The following LUZP2 variants were observed in gnomAD, a reference collection of about 807,000 sequenced individuals.
The protein encoded by LUZP2 is leucine zipper protein 2.
LUZP2 carries 52 observed loss-of-function variants against 51.6 expected under a neutral mutation model. The ratio of observed to expected loss-of-function variants is 1.01; its 90% CI spans 0.81 to 1.27. LUZP2 has a LOEUF of 1.27. Among genes scored for constraint, LUZP2 ranks in the 50% most tolerant of loss-of-function variants. The pLI is 0.00. For synonymous variants in LUZP2, 154 were observed against 137.3 expected (o/e 1.12, Z -0.85); for missense variants, 436 against 395.4 (o/e 1.10, Z -0.87).
rs531702693 is a variant in LUZP2, at chr11:24,625,767, T to C, written c.63-103402T>C. Among the ~76,000 whole-genome samples the C allele has an allele frequency of 4.6e-5, 7 of 151,296 alleles. No individual in the cohort carries two copies. The South Asian group carries it at 1.3e-3, about 27-fold the overall frequency. On this transcript the variant is annotated intron_variant, in intron 1 of 11. Coordinates refer to ENST00000336930, the MANE Select transcript of LUZP2 (RefSeq NM_001009909.4). Reference sequence around the variant, plus strand: ...CCAGAATCACAGCCTTCAATTGAAGTAGGGGAATAACTAGACCCACAAAAG... The same window carrying C: ...CCAGAATCACAGCCTTCAATTGAAGCAGGGGAATAACTAGACCCACAAAAG...
chr11:25,073,751 CTG>C (rs1859225501), intron 10 of LUZP2, among the ~76,000 whole-genome samples: 1 of 151,924 alleles, frequency 6.6e-6, no homozygotes, highest in South Asian at 2.1e-4. Context: ...ACTGTTGATT[CTG>C]TGACATAAAA....
intron 1 of LUZP2, among the ~76,000 whole-genome samples, chr11:24,599,968 G>A (rs965296739): frequency 6.6e-6 from 1 of 151,958 alleles, no homozygotes; most frequent in African/African-American, 2.4e-5. Flanking sequence ...TTGTTTTCAA[G>A]TAAACTCATA....
chr11:25,023,567 A>G (rs1044809899), intron 9 of LUZP2, among the ~76,000 whole-genome samples: 8 of 96,666 alleles, frequency 8.3e-5, no homozygotes, highest in African/African-American at 2.9e-4. Flanking sequence ...CGGTATATCA[A>G]TTTTCAAAAA....
intron 5 of LUZP2, among the ~76,000 whole-genome samples, chr11:24,888,603 A>T (rs1237395013): frequency 6.6e-6 from 1 of 152,146 alleles, no homozygotes; most frequent in South Asian, 2.1e-4. Context: ...TCTGACACAT[A>T]CGCATGCTGA....
intron 1 of LUZP2, among the ~76,000 whole-genome samples, chr11:24,549,351 A>G (rs1472845337): frequency 2.6e-5 from 4 of 152,110 alleles, no homozygotes. Context: ...ATCAGCACAC[A>G]CGGAGCTGTC....
chr11:24,599,779 C>T (rs1853559160), intron 1 of LUZP2, among the ~76,000 whole-genome samples: 1 of 152,008 alleles, frequency 6.6e-6, no homozygotes, highest in Admixed American at 6.6e-5. Flanking sequence ...TTAATATATT[C>T]TTACTATTTT....
At chr11:24,527,689 C>T (rs1160797312) in intron 1 of LUZP2, among the ~76,000 whole-genome samples, 2 of 151,068 alleles carry the variant, frequency 1.3e-5, no homozygotes, top group Non-Finnish European at 3.0e-5. Flanking sequence ...ACACAAACCC[C>T]ACTTAATCCA....
intron 1 of LUZP2, among the ~76,000 whole-genome samples, chr11:24,671,327 T>C (rs1402463612): frequency 6.6e-6 from 1 of 151,960 alleles, no homozygotes; most frequent in East Asian, 1.9e-4. Flanking sequence ...GAACTGAAAA[T>C]ATTCCCCTCC....
chr11:24,816,234 T>C (rs564382949), intron 5 of LUZP2, among the ~76,000 whole-genome samples: 49 of 152,138 alleles, frequency 3.2e-4, no homozygotes, highest in Admixed American at 3.1e-3. Flanking sequence ...TCTGTGAGGC[T>C]TTTTTTCCTC....
chr11:24,815,877 C>T (rs189849745), intron 5 of LUZP2, among the ~76,000 whole-genome samples: 8 of 152,098 alleles, frequency 5.3e-5, no homozygotes, highest in Non-Finnish European at 1.2e-4. Context: ...TTCAGATGTA[C>T]TTAAACTGTT....
chr11:24,713,654 C>G (rs1857923279), intron 1 of LUZP2, among the ~76,000 whole-genome samples: 1 of 148,092 alleles, frequency 6.8e-6, no homozygotes, highest in African/African-American at 2.5e-5. Context: ...CACCACGACA[C>G]TCTATCCTGG....
At chr11:24,677,426 G>C (rs1412073789) in intron 1 of LUZP2, among the ~76,000 whole-genome samples, 1 of 152,080 alleles carries the variant, frequency 6.6e-6, no homozygotes, top group African/African-American at 2.4e-5. Flanking sequence ...GTGTAGGTAT[G>C]GTAGATCTTT....
intron 9 of LUZP2, among the ~76,000 whole-genome samples, chr11:25,032,309 C>T (rs1023262474): frequency 6.6e-6 from 1 of 152,122 alleles, no homozygotes; most frequent in Non-Finnish European, 1.5e-5. Flanking sequence ...TAAGTTGTTG[C>T]AGCAGCAGTA....
intron 1 of LUZP2, among the ~76,000 whole-genome samples, chr11:24,551,864 G>A (rs1858159): frequency 1 from 151,433 of 152,146 alleles, 75,362 homozygotes; most frequent in East Asian, 1. Context: ...AAATACATCT[G>A]TAATTCTTAA....
intron 9 of LUZP2, among the ~76,000 whole-genome samples, chr11:25,023,966 A>C (rs1857413066): frequency 6.6e-6 from 1 of 152,054 alleles, no homozygotes; most frequent in African/African-American, 2.4e-5. Context: ...CTTAATCCTG[A>C]GTTCTAGTTT....
chr11:24,555,898 A>C (rs1851855968), intron 1 of LUZP2, among the ~76,000 whole-genome samples: 1 of 152,162 alleles, frequency 6.6e-6, no homozygotes, highest in African/African-American at 2.4e-5. Context: ...GGACTGCTTG[A>C]GCACAGGAGG....
At chr11:24,646,279 A>C (rs1441434588) in intron 1 of LUZP2, among the ~76,000 whole-genome samples, 2 of 152,056 alleles carry the variant, frequency 1.3e-5, no homozygotes, top group Non-Finnish European at 2.9e-5. Flanking sequence ...AAAAAACCAA[A>C]TTATTTTCTA....
chr11:25,075,589 A>G (rs1859277180), intron 10 of LUZP2, among the ~76,000 whole-genome samples: 1 of 152,194 alleles, frequency 6.6e-6, no homozygotes, highest in Non-Finnish European at 1.5e-5. Flanking sequence ...TATAAAAACA[A>G]TGGTAAGTGT....
At chr11:24,523,230 C>A (rs748504615) in intron 1 of LUZP2, among the ~76,000 whole-genome samples, 17 of 151,754 alleles carry the variant, frequency 1.1e-4, no homozygotes, top group Non-Finnish European at 1.9e-4. Context: ...TCTTTATATA[C>A]GATGCTTAAT....
Sources: allele counts gnomAD v4.1 joint callset (sites outside exome capture counted in the v4.1 genomes callset), GRCh38; gene constraint gnomAD v4.1.1; transcripts MANE v1.5; gene names NCBI Gene and HGNC (gene_info 2026-07-23, HGNC 2026-07-21).